GRIN2A: variants seen among roughly 807,000 people sequenced by gnomAD.
The protein encoded by GRIN2A is glutamate ionotropic receptor NMDA type subunit 2A.
Under a neutral mutation model 113.4 loss-of-function variants are expected in GRIN2A, and 22 were observed. The ratio of observed to expected loss-of-function variants is 0.19; its 90% CI spans 0.14 to 0.28. The LOEUF is 0.28. Ranked by LOEUF, GRIN2A falls within the 10% of genes least tolerant of loss-of-function variation. GRIN2A has a pLI of 1.00. For synonymous variants in GRIN2A, 827 were observed against 738.4 expected (o/e 1.12, Z -1.94); for missense variants, 1,502 against 1,887.0 (o/e 0.80, Z 3.78).
intron 11 of GRIN2A, among the ~76,000 whole-genome samples, chr16:9,772,686 C>T (rs1219643919): frequency 3.3e-5 from 5 of 152,050 alleles, no homozygotes; most frequent in Admixed American, 6.6e-5. Context: ...CCTTTGGAGT[C>T]TGGGAGGACA....
At chr16:9,942,437 T>C (rs1485698229) in intron 2 of GRIN2A, among the ~76,000 whole-genome samples, 1 of 152,184 alleles carries the variant, frequency 6.6e-6, no homozygotes, top group Non-Finnish European at 1.5e-5. Flanking sequence ...CTGAGTTTCT[T>C]TACCTATAAG....
At chr16:10,059,496 G>A (rs2047513103) in intron 2 of GRIN2A, among the ~76,000 whole-genome samples, 1 of 152,090 alleles carries the variant, frequency 6.6e-6, no homozygotes, top group Non-Finnish European at 1.5e-5. Context: ...GCTACCCCTG[G>A]CTTTGACTGG....
Position 9,943,162 on chromosome 16 carries a change from C to T in GRIN2A, c.415-4611G>A, listed in dbSNP as rs190225751. ...CTGCCATGGCTCAGCCTGTATTTTTCGGATTCTACATATCAGCCTCTGACC... is the reference window on the plus strand; with the variant it reads ...CTGCCATGGCTCAGCCTGTATTTTTTGGATTCTACATATCAGCCTCTGACC... On this transcript the variant is annotated intron_variant, in intron 2 of 12. Transcript: ENST00000330684. 633 of 152,358 alleles carry T rather than the reference C, an allele frequency of 4.2e-3. 8 individuals carry two copies. The South Asian group carries it at 0.045, about 11-fold the overall frequency. 9.4% of individuals were successfully genotyped at this position (152,358 alleles called of 1,614,324 possible).
At chr16:9,835,961 G>A (rs968533436) in intron 7 of GRIN2A, among the ~76,000 whole-genome samples, 3 of 152,116 alleles carry the variant, frequency 2.0e-5, no homozygotes, top group Admixed American at 6.5e-5. Flanking sequence ...CACAAGATGC[G>A]CTCCAAGAAA....
chr16:10,135,199 T>C (rs536733060), intron 2 of GRIN2A, among the ~76,000 whole-genome samples: 2 of 152,338 alleles, frequency 1.3e-5, no homozygotes, highest in South Asian at 2.1e-4. Flanking sequence ...AACTGTAGCA[T>C]ATAATTCAGA....
At chr16:10,112,238 G>A in intron 2 of GRIN2A, 2 of 618,860 alleles carry the variant, frequency 3.2e-6, no homozygotes, top group Non-Finnish European at 3.0e-6. Context: ...TCACCATGGT[G>A]CATTACATCA....
At chr16:9,885,916 T>A (rs1408154234) in intron 4 of GRIN2A, among the ~76,000 whole-genome samples, 2 of 152,234 alleles carry the variant, frequency 1.3e-5, no homozygotes, top group East Asian at 3.8e-4. Context: ...CTGCCTTTTA[T>A]GGGAAATTGC....
chr16:9,955,955 C>G (rs574672973), intron 2 of GRIN2A, among the ~76,000 whole-genome samples: 182 of 152,306 alleles, frequency 1.2e-3, no homozygotes, highest in Middle Eastern at 3.4e-3. Flanking sequence ...AAAGTCTCTG[C>G]CAGGTGTTAG....
intron 11 of GRIN2A, among the ~76,000 whole-genome samples, chr16:9,785,034 T>C (rs1393873581): frequency 6.6e-6 from 1 of 152,220 alleles, no homozygotes; most frequent in Non-Finnish European, 1.5e-5. Flanking sequence ...AGTGTGGCGA[T>C]TCCTCAGGGA....
intron 12 of GRIN2A, among the ~76,000 whole-genome samples, chr16:9,768,382 T>A (rs1425811857): frequency 1.3e-5 from 2 of 152,216 alleles, no homozygotes; most frequent in Non-Finnish European, 2.9e-5. Context: ...TAGTTACTAA[T>A]ATTTAAAAAT....
intron 5 of GRIN2A, among the ~76,000 whole-genome samples, chr16:9,848,662 T>C (rs1466880019): frequency 6.9e-6 from 1 of 145,740 alleles, no homozygotes; most frequent in Non-Finnish European, 1.5e-5. Flanking sequence ...ATTTAATACA[T>C]AAAATATATG....
chr16:9,845,884 T>G (rs935186323), intron 5 of GRIN2A, among the ~76,000 whole-genome samples: 2 of 152,240 alleles, frequency 1.3e-5, no homozygotes, highest in Non-Finnish European at 2.9e-5. Flanking sequence ...CGAATTGTTT[T>G]CTAACCACGT....
rs2044764460 is a variant in GRIN2A, at chr16:9,938,298, T to C, written c.668A>G (p.His223Arg). The C allele has an allele frequency of 1.2e-6, 2 of 1,612,616 alleles. No individual in the cohort carries two copies. The highest frequency in any genetic ancestry group is 8.5e-7 in the Non-Finnish European group (1 of 1,179,054). Residue 223 changes from histidine to arginine, a missense_variant, in exon 3 of 13, where the codon CAC (histidine) becomes CGC (arginine). His to Arg is a conservative substitution (Grantham distance 29). Coordinates refer to ENST00000330684, the MANE Select transcript of GRIN2A (RefSeq NM_001134407.3). ...ACAGTAGAGCAAGATGACAGAAGAG[T>C]GGATCTTCTTCAGCTGGACTTGTGT... ...AKTQVQLKKIHSSVILLYCSK... is the reference protein window; with the variant it reads ...AKTQVQLKKIRSSVILLYCSK...
chr16:9,807,611 C>G (rs1187490648), intron 10 of GRIN2A, among the ~76,000 whole-genome samples: 1 of 152,104 alleles, frequency 6.6e-6, no homozygotes, highest in Admixed American at 6.5e-5. Flanking sequence ...TGACTATACC[C>G]AAGGAGTTGA....
intron 2 of GRIN2A, among the ~76,000 whole-genome samples, chr16:10,109,144 TA>T (rs1279921121): frequency 6.6e-6 from 1 of 152,042 alleles, no homozygotes; most frequent in African/African-American, 2.4e-5. Flanking sequence ...AAAAAACCCT[TA>T]TGCCTATAAA....
intron 2 of GRIN2A, among the ~76,000 whole-genome samples, chr16:9,960,558 G>A (rs1042071478): frequency 6.6e-6 from 1 of 152,172 alleles, no homozygotes; most frequent in Non-Finnish European, 1.5e-5. Context: ...AAGTCAACCA[G>A]ACTATCTTTT....
At chr16:10,008,937 G>GT (rs991371712) in intron 2 of GRIN2A, among the ~76,000 whole-genome samples, 1 of 152,138 alleles carries the variant, frequency 6.6e-6, no homozygotes, top group Non-Finnish European at 1.5e-5. Context: ...GGTCTTTTTG[G>GT]TGCCAGACAT....
chr16:10,124,172 T>A (rs2048883796), intron 2 of GRIN2A, among the ~76,000 whole-genome samples: 1 of 152,130 alleles, frequency 6.6e-6, no homozygotes, highest in South Asian at 2.1e-4. Flanking sequence ...AGAAGGGCCG[T>A]GTGCGTGCCC....
At chr16:9,904,023 T>A (rs2043983634) in intron 3 of GRIN2A, among the ~76,000 whole-genome samples, 4 of 152,198 alleles carry the variant, frequency 2.6e-5, no homozygotes, top group Non-Finnish European at 5.9e-5. Flanking sequence ...GAGAGTGGAT[T>A]TAGAGACAGG....
Sources: allele counts gnomAD v4.1 joint callset (sites outside exome capture counted in the v4.1 genomes callset), GRCh38; gene constraint gnomAD v4.1.1; transcripts MANE v1.5; gene names NCBI Gene and HGNC (gene_info 2026-07-23, HGNC 2026-07-21).